CORO2B: variants seen among roughly 807,000 people sequenced by gnomAD.
CORO2B encodes coronin-2B.
Under a neutral mutation model 58.8 loss-of-function variants are expected in CORO2B, and 26 were observed. That is an observed-to-expected ratio of 0.44 (90% confidence interval 0.32 to 0.61). The LOEUF (loss-of-function observed/expected upper bound fraction) is 0.61, where lower values mean the gene tolerates loss of function less well. CORO2B is among the 20% of genes least tolerant of loss of function. The pLI is 0.04. For synonymous variants in CORO2B, 242 were observed against 253.8 expected (o/e 0.95, Z 0.44); for missense variants, 460 against 645.1 (o/e 0.71, Z 3.11).
At chr15:68,706,152 G>C (rs915053692) in intron 3 of CORO2B, among the ~76,000 whole-genome samples, 2 of 152,164 alleles carry the variant, frequency 1.3e-5, no homozygotes, top group Non-Finnish European at 2.9e-5. Flanking sequence ...CCACCAGCCA[G>C]CCTGCTCCAC....
chr15:68,647,019 C>T (rs976836255), intron 2 of CORO2B, among the ~76,000 whole-genome samples: 5 of 152,296 alleles, frequency 3.3e-5, no homozygotes, highest in African/African-American at 7.2e-5. Flanking sequence ...AACCTATCGC[C>T]GGCACCCTGC....
chr15:68,674,022 C>T (rs1902490923), intron 2 of CORO2B, among the ~76,000 whole-genome samples: 1 of 152,052 alleles, frequency 6.6e-6, no homozygotes, highest in South Asian at 2.1e-4. Flanking sequence ...ATTTTCATCT[C>T]ATTATGAAGA....
In CORO2B at chr15:68,695,843, T is replaced by C. The variant is rs189512661; in HGVS notation, c.333+587T>C. ...GGAGAAGGGAGATAAGTAAGAGAGA[T>C]CAGGGAGGAGACAGAGAGAACAGGG... On this transcript the variant is annotated intron_variant, in intron 3 of 11. Transcript: ENST00000261861. Among the ~76,000 whole-genome samples the C allele has an allele frequency of 4.2e-4, 63 of 151,002 alleles. No individual in the cohort carries two copies. In the East Asian group the frequency reaches 6.6e-3, roughly 16 times the overall value.
At chr15:68,711,122 G>A (rs1217452950) in intron 4 of CORO2B, among the ~76,000 whole-genome samples, 1 of 152,130 alleles carries the variant, frequency 6.6e-6, no homozygotes, top group Admixed American at 6.5e-5. Flanking sequence ...TTGATTGGAG[G>A]AGAATGCCCC....
At chr15:68,723,087 G>A (rs1359926802) in intron 11 of CORO2B, among the ~76,000 whole-genome samples, 1 of 150,422 alleles carries the variant, frequency 6.6e-6, no homozygotes, top group African/African-American at 2.4e-5. Flanking sequence ...AAAACAAAAG[G>A]AGAGAATCAT....
chr15:68,656,570 A>G (rs1901814118), intron 2 of CORO2B, among the ~76,000 whole-genome samples: 1 of 152,072 alleles, frequency 6.6e-6, no homozygotes, highest in Non-Finnish European at 1.5e-5. Context: ...ATGCTTCAGA[A>G]CCATCCCATT....
Position 68,695,230 on chromosome 15 carries a change from A to G in CORO2B, c.307A>G (p.Ile103Val), listed in dbSNP as rs1287187921. 14 of 1,613,898 alleles carry G rather than the reference A, an allele frequency of 8.7e-6. No individual in the cohort carries two copies. The highest frequency in any genetic ancestry group is 1.2e-5 in the Non-Finnish European group (14 of 1,179,976). ...ATGGAACCCCTTCATCGACAACATC[A>G]TTGCCTCGTGCTCGGAGGACACGTC... is the stretch of plus-strand genomic sequence containing the variant. Reference protein sequence around the residue: ...IKWNPFIDNIIASCSEDTSVR... With the variant: ...IKWNPFIDNIVASCSEDTSVR... The change falls in exon 3 of 12, where the codon ATT (isoleucine) becomes GTT (valine). Residue 103 changes from isoleucine (I) to valine (V), a missense_variant. Transcript: ENST00000261861.
chr15:68,565,647 A>G, the CORO2B span, among the ~76,000 whole-genome samples: 4 of 152,246 alleles, frequency 2.6e-5, no homozygotes, highest in African/African-American at 9.6e-5. Context: ...AGTTCATTGT[A>G]TAGTGGACGG....
intron 1 of CORO2B, among the ~76,000 whole-genome samples, chr15:68,626,162 T>C (rs963299621): frequency 1.3e-5 from 2 of 152,212 alleles, no homozygotes; most frequent in African/African-American, 4.8e-5. Context: ...AAAATGTTCC[T>C]ACTGCGTGCT....
intron 5 of CORO2B, 89 bp from the exon 6 acceptor site, chr15:68,713,835 TG>T: frequency 2.4e-6 from 2 of 826,332 alleles, no homozygotes; most frequent in Non-Finnish European, 4.1e-6. Flanking sequence ...GCTGAGGACA[TG>T]GGTGTATCTT....
At chr15:68,534,810 G>C in the CORO2B span, among the ~76,000 whole-genome samples, 1 of 152,226 alleles carries the variant, frequency 6.6e-6, no homozygotes, top group Non-Finnish European at 1.5e-5. Flanking sequence ...AGGACTCACA[G>C]TTCCATGTGG....
At chr15:68,558,666 G>T in the CORO2B span, among the ~76,000 whole-genome samples, 1 of 152,110 alleles carries the variant, frequency 6.6e-6, no homozygotes, top group African/African-American at 2.4e-5. Context: ...ATGAGCCACC[G>T]CACTGGCCTC....
Position 68,602,407 on chromosome 15 carries a change from T to TCACACACACA in CORO2B, c.15+23164_15+23173dup, listed in dbSNP as rs370587519. Among the ~76,000 whole-genome samples the TCACACACACA allele has an allele frequency of 3.1e-3, 427 of 139,044 alleles. 3 individuals carry two copies. Among genetic ancestry groups the TCACACACACA allele is most frequent in the African/African-American group, 5.0e-3 (187 of 37,646 alleles). The allele number at this position is 139,044 out of a possible 152,430, so 91.2% of individuals were successfully genotyped here. A position where few individuals can be genotyped will look rare whatever the true frequency, so the allele number is the denominator to read the frequency against. ...TGGTCCTGCCCAAATTAGGGGCTGA[T>TCACACACACA]CACACACACACACACACACACACAC... On this transcript the variant is annotated intron_variant, in intron 1 of 11. Transcript: ENST00000261861.
At chr15:68,638,599 G>A (rs1901110316) in intron 1 of CORO2B, among the ~76,000 whole-genome samples, 1 of 152,172 alleles carries the variant, frequency 6.6e-6, no homozygotes, top group South Asian at 2.1e-4. Context: ...ACTGGGGAGG[G>A]GTAAGAGTTG....
intron 1 of CORO2B, among the ~76,000 whole-genome samples, chr15:68,631,204 T>C (rs1900817486): frequency 6.6e-6 from 1 of 151,988 alleles, no homozygotes; most frequent in African/African-American, 2.4e-5. Context: ...ACTCCCCATG[T>C]CCCCCAAAGG....
the CORO2B span, among the ~76,000 whole-genome samples, chr15:68,532,748 T>C: frequency 1.3e-5 from 2 of 152,226 alleles, no homozygotes; most frequent in East Asian, 3.8e-4. Context: ...GTTGCCTTTG[T>C]GTAAAGCATG....
intron 3 of CORO2B, among the ~76,000 whole-genome samples, chr15:68,698,988 G>A (rs367815702): frequency 1.3e-5 from 2 of 152,272 alleles, no homozygotes; most frequent in African/African-American, 4.8e-5. Flanking sequence ...GGTGCAGAGA[G>A]GAGAAGAGGT....
At chr15:68,554,565 G>A in the CORO2B span, among the ~76,000 whole-genome samples, 76 of 152,186 alleles carry the variant, frequency 5.0e-4, no homozygotes, top group African/African-American at 1.7e-3. Flanking sequence ...GCTGAACCTC[G>A]GTCTCCTCAT....
the CORO2B span, among the ~76,000 whole-genome samples, chr15:68,536,788 T>A: frequency 1.3e-5 from 2 of 152,234 alleles, no homozygotes; most frequent in Non-Finnish European, 2.9e-5. Flanking sequence ...GTCTGGCCAA[T>A]GACATGGAAA....
Sources: gnomAD v4.1 joint callset for allele counts (sites outside exome capture counted in the v4.1 genomes callset) on GRCh38, gnomAD v4.1.1 for gene constraint, MANE v1.5 for transcripts, NCBI Gene and HGNC (gene_info 2026-07-23, HGNC 2026-07-21) for gene names.